The following TMED3 variants were observed in gnomAD, a reference collection of about 807,000 sequenced individuals.
The protein encoded by TMED3 is transmembrane p24 trafficking protein 3, also known as transmembrane emp24 domain-containing protein 3.
TMED3 carries 9 observed loss-of-function variants against 15.0 expected under a neutral mutation model. The observed-to-expected ratio is 0.60, with a 90% CI of 0.36 to 1.04. The LOEUF (loss-of-function observed/expected upper bound fraction) is 1.04, where lower values mean the gene tolerates loss of function less well. TMED3 is among the 50% of genes least tolerant of loss of function. The pLI is 0.01. For missense variants in TMED3, 267 were observed against 278.9 expected, an observed-to-expected ratio of 0.96 and a Z score of 0.30; for synonymous variants, 117 against 121.4, an observed-to-expected ratio of 0.96 and a Z score of 0.24.
intron 2 of TMED3, among the ~76,000 whole-genome samples, chr15:79,391,097 A>T (rs1893690352): frequency 6.7e-6 from 1 of 148,524 alleles, no homozygotes; most frequent in African/African-American, 2.5e-5. Context: ...TTCTGCTCTG[A>T]TCCTGGTTAT....
intron 1 of TMED3, among the ~76,000 whole-genome samples, chr15:79,311,729 C>G (rs1056150284): frequency 2.6e-5 from 4 of 152,196 alleles, no homozygotes; most frequent in African/African-American, 9.6e-5. Context: ...CCCCGAGACA[C>G]TAACCAACGG....
intron 2 of TMED3, among the ~76,000 whole-genome samples, chr15:79,334,092 A>G (rs976491267): frequency 2.6e-5 from 4 of 152,210 alleles, no homozygotes; most frequent in Non-Finnish European, 5.9e-5. Context: ...TAACTGTTCT[A>G]AACTAATTAT....
chr15:79,410,844 G>A (rs1893969704), intron 2 of TMED3, among the ~76,000 whole-genome samples: 1 of 152,082 alleles, frequency 6.6e-6, no homozygotes, highest in Non-Finnish European at 1.5e-5. Flanking sequence ...AATTTCCCAA[G>A]TCTATCACAA....
chr15:79,325,536 G>C (rs1329016567), downstream of TMED3, among the ~76,000 whole-genome samples: 1 of 152,154 alleles, frequency 6.6e-6, no homozygotes, highest in Non-Finnish European at 1.5e-5. Flanking sequence ...GTTCTCCAGA[G>C]GGACAGAACT....
At chr15:79,338,063 T>TTA (rs1218346552) in intron 2 of TMED3, among the ~76,000 whole-genome samples, 6 of 152,198 alleles carry the variant, frequency 3.9e-5, no homozygotes, top group Non-Finnish European at 5.9e-5. Flanking sequence ...GTGGTATCAC[T>TTA]TATATATCAG....
intron 2 of TMED3, among the ~76,000 whole-genome samples, chr15:79,367,201 G>A (rs1893253014): frequency 1.3e-5 from 2 of 152,156 alleles, no homozygotes; most frequent in East Asian, 3.9e-4. Context: ...CCAATATGAT[G>A]CAGAACTAAA....
At chr15:79,407,884 C>T (rs116178202) in intron 2 of TMED3, among the ~76,000 whole-genome samples, 210 of 152,238 alleles carry the variant, frequency 1.4e-3, no homozygotes, top group African/African-American at 4.8e-3. Context: ...GAGAGGAATT[C>T]GGTGGGCAAG....
downstream of TMED3, among the ~76,000 whole-genome samples, chr15:79,325,200 C>T (rs113815279): frequency 1.3e-5 from 2 of 152,132 alleles, no homozygotes; most frequent in African/African-American, 4.8e-5. Flanking sequence ...TGCTCCATAC[C>T]ATAGATTTTA....
At chr15:79,329,670 G>C (rs1221108215) in intron 2 of TMED3, among the ~76,000 whole-genome samples, 1 of 152,190 alleles carries the variant, frequency 6.6e-6, no homozygotes, top group Non-Finnish European at 1.5e-5. Context: ...CTCAGAGCCG[G>C]AGCAGGTAGC....
At chr15:79,322,957 G>T (rs1444240128), downstream of TMED3, 1 of 939,562 alleles carries the variant, frequency 1.1e-6, no homozygotes, top group Non-Finnish European at 1.3e-6. Flanking sequence ...GGTGCATGGG[G>T]TGCTGTGCAG....
intron 2 of TMED3, among the ~76,000 whole-genome samples, chr15:79,410,698 G>A (rs199807999): frequency 1.2e-4 from 18 of 148,986 alleles, no homozygotes; most frequent in African/African-American, 4.4e-4. Context: ...ATGTGTGTGT[G>A]TATATATATA....
intron 2 of TMED3, among the ~76,000 whole-genome samples, chr15:79,400,820 C>G (rs1011738241): frequency 2.6e-5 from 4 of 152,174 alleles, no homozygotes; most frequent in Non-Finnish European, 5.9e-5. Flanking sequence ...TCTGATCTTC[C>G]ACAACAACGT....
intron 2 of TMED3, among the ~76,000 whole-genome samples, chr15:79,395,670 G>T (rs1180746780): frequency 6.6e-6 from 1 of 152,114 alleles, no homozygotes; most frequent in Non-Finnish European, 1.5e-5. Context: ...AGATTTTAAA[G>T]GGAGATGTTT....
chr15:79,392,757 T>C (rs8030782), intron 2 of TMED3, among the ~76,000 whole-genome samples: 120 of 152,308 alleles, frequency 7.9e-4, no homozygotes, highest in Non-Finnish European at 1.4e-3. Flanking sequence ...GAGAAGTAAT[T>C]TGAGGCCTTC....
intron 1 of TMED3, among the ~76,000 whole-genome samples, chr15:79,312,567 G>A (rs1416630669): frequency 6.6e-6 from 1 of 152,110 alleles, no homozygotes; most frequent in East Asian, 1.9e-4. Context: ...CGGACAAAGA[G>A]GCCATTTAAA....
chr15:79,347,903 A>T (rs1324349722), intron 2 of TMED3, among the ~76,000 whole-genome samples: 2 of 152,096 alleles, frequency 1.3e-5, no homozygotes, highest in East Asian at 3.9e-4. Flanking sequence ...AAAGGGAAAA[A>T]ACTCTTATAC....
At chr15:79,341,863 C>T (rs768823461) in intron 2 of TMED3, among the ~76,000 whole-genome samples, 51 of 152,104 alleles carry the variant, frequency 3.4e-4, no homozygotes, top group African/African-American at 9.4e-4. Context: ...GAGGAGGAGG[C>T]GCTTACTGGG....
At chr15:79,317,813 A>T (rs990317847) in intron 2 of TMED3, among the ~76,000 whole-genome samples, 3 of 152,168 alleles carry the variant, frequency 2.0e-5, no homozygotes, top group African/African-American at 7.2e-5. Context: ...CGAGGCCTGC[A>T]TCTTCTCTTC....
chr15:79,402,727 A>G (rs1893849745), intron 2 of TMED3, among the ~76,000 whole-genome samples: 1 of 151,944 alleles, frequency 6.6e-6, no homozygotes, highest in South Asian at 2.1e-4. Flanking sequence ...TGGAAGTTGC[A>G]GTGAGCCGAG....
Sources: gnomAD v4.1 joint callset for allele counts (sites outside exome capture counted in the v4.1 genomes callset) on GRCh38, gnomAD v4.1.1 for gene constraint, MANE v1.5 for transcripts, NCBI Gene and HGNC (gene_info 2026-07-23, HGNC 2026-07-21) for gene names.